Variants in PHKB observed in about 807,000 individuals in gnomAD.
PHKB encodes phosphorylase kinase regulatory subunit beta, also known as phosphorylase b kinase regulatory subunit beta.
In PHKB, 122 loss-of-function variants were observed where a neutral mutation model predicts 152.1. The observed-to-expected ratio is 0.80, with a 90% CI of 0.69 to 0.93. The LOEUF is 0.93. Among genes scored for constraint, PHKB ranks in the 40% least tolerant of loss-of-function variants. The pLI, the probability that PHKB is intolerant of heterozygous loss-of-function variation, is 0.00. For synonymous variants in PHKB, 436 were observed against 464.9 expected (o/e 0.94, Z 0.80); for missense variants, 1,304 against 1,328.4 (o/e 0.98, Z 0.29).
In PHKB at chr16:47,594,071, TA is replaced by T. The variant is rs1369056048; in HGVS notation, c.1127-64del. 8 of 805,926 alleles carry T rather than the reference TA, an allele frequency of 9.9e-6. No individual in the cohort carries two copies. In the East Asian group the frequency reaches 2.0e-4, roughly 20 times the overall value. The allele number at this position is 805,926 out of a possible 1,614,324, so 49.9% of individuals were successfully genotyped here. ...TGTAACTGGGCTAATATATTTTTTCTAAGGTAAAATTTTTGAGATCCTTATT... is the reference window on the plus strand; with the variant it reads ...TGTAACTGGGCTAATATATTTTTTCTAGGTAAAATTTTTGAGATCCTTATT... On this transcript the variant is annotated intron_variant, in intron 11 of 30. Transcript: ENST00000323584.
intron 6 of PHKB, among the ~76,000 whole-genome samples, chr16:47,528,816 C>T (rs1204111965): frequency 2.6e-5 from 4 of 151,702 alleles, no homozygotes; most frequent in Non-Finnish European, 4.4e-5. Context: ...TCTGCCTCAG[C>T]CTCCCAAGTA....
At chr16:47,585,989 C>G (rs1382088619) in intron 8 of PHKB, among the ~76,000 whole-genome samples, 1 of 152,122 alleles carries the variant, frequency 6.6e-6, no homozygotes, top group African/African-American at 2.4e-5. Flanking sequence ...TTTGTGTATT[C>G]ATAGGCTCCT....
At chr16:47,693,263 T>C (rs577476680) in intron 27 of PHKB, 115 bp from the exon 28 acceptor site, 3 of 1,002,782 alleles carry the variant, frequency 3.0e-6, no homozygotes, top group Admixed American at 3.7e-5. Flanking sequence ...GCATCATTGA[T>C]GGGCTTTGGC....
In PHKB at chr16:47,646,929, G is replaced by A. The variant is rs527758478; in HGVS notation, c.1609-1604G>A. On this transcript the variant is annotated intron_variant, in intron 16 of 30. Coordinates refer to ENST00000323584, the MANE Select transcript of PHKB (RefSeq NM_000293.3). ...TATCAGGAGATAGGAGTTTAAAAAG[G>A]TAAAGGGGCTTCTTGATTAGATTAA... Among the ~76,000 whole-genome samples, 128 of 152,090 alleles carry A rather than the reference G, an allele frequency of 8.4e-4. 1 individual carries two copies. Among genetic ancestry groups the A allele is most frequent in the African/African-American group, 2.9e-3 (122 of 41,518 alleles).
In PHKB at chr16:47,576,107, C is replaced by CA. The variant is rs200302081; in HGVS notation, c.711-4180dup. 3.9e-3 allele frequency among the ~76,000 whole-genome samples: 584 copies of CA among 151,640 alleles called. 4 individuals are homozygous for CA. The highest frequency in any genetic ancestry group is 0.024 in the Middle Eastern group (7 of 294). ...ACAAAACAAAACAAAACAACAACAG[C>CA]AAAAAAAACCCAGACTTCATCACTA... On this transcript the variant is annotated intron_variant, in intron 7 of 30. Coordinates refer to ENST00000323584, the MANE Select transcript of PHKB (RefSeq NM_000293.3).
At chr16:47,656,427 T>G (rs1414919357) in intron 20 of PHKB, among the ~76,000 whole-genome samples, 1 of 152,252 alleles carries the variant, frequency 6.6e-6, no homozygotes, top group Admixed American at 6.5e-5. Flanking sequence ...TGTAAGTACA[T>G]AACTGTTCTA....
rs1214324029 is a variant in PHKB, at chr16:47,517,255, A to ATT, written c.594+1670_594+1671dup. 5.4e-3 allele frequency among the ~76,000 whole-genome samples: 754 copies of ATT among 140,436 alleles called. 9 individuals are homozygous for ATT. The highest frequency in any genetic ancestry group is 0.018 in the African/African-American group (708 of 38,348). The allele number at this position is 140,436 out of a possible 152,430, so 92.1% of individuals were successfully genotyped here. ...ACAAGTGGCTTTGTTTTGTTCAGTA[A>ATT]TTTTTTTTTTTTTTTTTGAGACAGT... On this transcript the variant is annotated intron_variant, in intron 6 of 30. Coordinates refer to ENST00000323584, the MANE Select transcript of PHKB (RefSeq NM_000293.3).
At chr16:47,495,921 A>G (rs1399485743) in intron 1 of PHKB, among the ~76,000 whole-genome samples, 1 of 152,188 alleles carries the variant, frequency 6.6e-6, no homozygotes. Context: ...AGTCTTATCT[A>G]CAAATTACCT....
At chr16:47,667,776 C>T (rs888580139) in intron 25 of PHKB, among the ~76,000 whole-genome samples, 1 of 152,218 alleles carries the variant, frequency 6.6e-6, no homozygotes, top group Non-Finnish European at 1.5e-5. Flanking sequence ...TCAAGGTCAT[C>T]AGCACCTGAC....
At chr16:47,550,916 G>A (rs188617245) in intron 7 of PHKB, among the ~76,000 whole-genome samples, 47 of 152,264 alleles carry the variant, frequency 3.1e-4, no homozygotes, top group Admixed American at 2.9e-3. Flanking sequence ...TCTATTCAGG[G>A]ATTCGACTTC....
chr16:47,698,902 G>A (rs1449229392), intron 30 of PHKB, among the ~76,000 whole-genome samples: 1 of 151,928 alleles, frequency 6.6e-6, no homozygotes, highest in Non-Finnish European at 1.5e-5. Flanking sequence ...TAAATTCTGG[G>A]GACAATAGAA....
intron 10 of PHKB, among the ~76,000 whole-genome samples, chr16:47,593,234 AG>A (rs1972061584): frequency 9.5e-6 from 1 of 104,876 alleles, no homozygotes; most frequent in Non-Finnish European, 1.9e-5. Context: ...GGAAGGAGGG[AG>A]GGAGGGAGGG....
chr16:47,618,636 T>C (rs1346508036), intron 14 of PHKB, among the ~76,000 whole-genome samples: 1 of 152,242 alleles, frequency 6.6e-6, no homozygotes, highest in Non-Finnish European at 1.5e-5. Context: ...CCCAAACTGT[T>C]CGTTGGACCA....
rs574027535 is a variant in PHKB, at chr16:47,486,201, C to G, written c.77-11198C>G. Among the ~76,000 whole-genome samples the G allele has an allele frequency of 8.5e-4, 130 of 152,144 alleles. 1 individual carries two copies. Among genetic ancestry groups the G allele is most frequent in the African/African-American group, 3.0e-3 (124 of 41,516 alleles). On this transcript the variant is annotated intron_variant, in intron 1 of 30. Coordinates refer to ENST00000323584, the MANE Select transcript of PHKB (RefSeq NM_000293.3). ...AGCAGTGATTAAGGTTGCAGAAGAT[C>G]GAACAATTAACTGCTGTGGGAATTA...
Position 47,699,836 on chromosome 16 carries a change from G to T in PHKB, c.*470G>T. 5.7e-6 allele frequency: 1 copy of T among 176,152 alleles called. No homozygotes were observed. The highest frequency in any genetic ancestry group is 1.2e-5 in the Non-Finnish European group (1 of 81,378). The allele number at this position is 176,152 out of a possible 1,614,324, so 10.9% of individuals were successfully genotyped here. On this transcript the variant is annotated 3_prime_UTR_variant, in exon 31 of 31. Transcript: ENST00000323584. ...AAAGATGTTAATATACATCATAAAA[G>T]CAAAGTCAGCCAGCTGATATTTTGG... is the stretch of plus-strand genomic sequence containing the variant.
chr16:47,623,248 C>T (rs2151716004), intron 14 of PHKB, among the ~76,000 whole-genome samples: 1 of 151,746 alleles, frequency 6.6e-6, no homozygotes, highest in African/African-American at 2.4e-5. Flanking sequence ...TTTTTTATTT[C>T]AATAATTTAT....
chr16:47,596,295 G>A, intron 12 of PHKB, 78 bp from the exon 13 acceptor site: 1 of 1,023,210 alleles, frequency 9.8e-7, no homozygotes, highest in East Asian at 2.6e-5. Flanking sequence ...CCAGTCTTGG[G>A]TATATCTTTA....
intron 7 of PHKB, among the ~76,000 whole-genome samples, chr16:47,551,908 G>A (rs751851499): frequency 1.6e-4 from 24 of 152,164 alleles, no homozygotes; most frequent in Non-Finnish European, 2.8e-4. Context: ...TGTATTGGGT[G>A]CACATATATA....
chr16:47,518,789 T>C (rs2151654099), intron 6 of PHKB, among the ~76,000 whole-genome samples: 1 of 152,288 alleles, frequency 6.6e-6, no homozygotes, highest in South Asian at 2.1e-4. Flanking sequence ...AAATATAAAT[T>C]TACCTAAGTC....
Sources: allele counts gnomAD v4.1 joint callset (sites outside exome capture counted in the v4.1 genomes callset), GRCh38; gene constraint gnomAD v4.1.1; transcripts MANE v1.5; gene names NCBI Gene and HGNC (gene_info 2026-07-23, HGNC 2026-07-21).